The following CYP2C8 variants were observed in gnomAD, a reference collection of about 807,000 sequenced individuals.
CYP2C8 encodes cytochrome P450 2C8.
CYP2C8 carries 51 observed loss-of-function variants against 41.3 expected under a neutral mutation model. The observed-to-expected ratio is 1.24, with a 90% CI of 0.99 to 1.56. The LOEUF is 1.56. Among genes scored for constraint, CYP2C8 ranks in the 40% most tolerant of loss-of-function variants. The probability of loss-of-function intolerance (pLI) is 0.00; values close to 1 mark genes in which losing one functional copy is unlikely to be tolerated. For missense variants in CYP2C8, 651 were observed against 579.9 expected (o/e 1.12, Z -1.26); for synonymous variants, 218 against 205.8 (o/e 1.06, Z -0.51).
intron 8 of CYP2C8, among the ~76,000 whole-genome samples, chr10:95,037,808 C>A (rs574346711): frequency 6.6e-6 from 1 of 152,246 alleles, no homozygotes; most frequent in South Asian, 2.1e-4. Context: ...AGTTTCATAT[C>A]CTGTTGTTCA....
intron 5 of CYP2C8, among the ~76,000 whole-genome samples, chr10:95,051,921 G>A (rs2033220343): frequency 6.6e-6 from 1 of 151,756 alleles, no homozygotes; most frequent in Admixed American, 6.6e-5. Flanking sequence ...TACGAAAGCT[G>A]GAGCAAACCA....
chr10:95,047,369 G>C (rs929687444), intron 5 of CYP2C8, among the ~76,000 whole-genome samples: 1 of 152,096 alleles, frequency 6.6e-6, no homozygotes, highest in African/African-American at 2.4e-5. Flanking sequence ...ATCATGAAAA[G>C]TGTTACACTC....
intron 4 of CYP2C8, among the ~76,000 whole-genome samples, chr10:95,061,722 T>C (rs1245652439): frequency 1.3e-5 from 2 of 152,246 alleles, no homozygotes; most frequent in African/African-American, 2.4e-5. Flanking sequence ...GTTCTTTCAA[T>C]TGTGATGTTA....
Position 95,043,037 on chromosome 10 carries a change from G to C in CYP2C8, c.1002C>G (p.His334Gln), listed in dbSNP as rs755680526. Residue 334 changes from histidine to glutamine, a missense_variant, in exon 7 of 9, where the codon CAC (histidine) becomes CAG (glutamine). Transcript: ENST00000371270. ...TCCTATCCTGCATGCAGGGGCTCCT[G>C]TGTCTGCCAATTACATGATCAATCT... is the stretch of plus-strand genomic sequence containing the variant. Reference protein sequence around the residue: ...QEEIDHVIGRHRSPCMQDRSH... With the variant: ...QEEIDHVIGRQRSPCMQDRSH... 2.5e-6 allele frequency: 4 copies of C among 1,614,188 alleles called. No homozygotes were observed. In the East Asian group the frequency reaches 8.9e-5, roughly 36 times the overall value.
intron 4 of CYP2C8, among the ~76,000 whole-genome samples, chr10:95,062,212 G>C (rs375366221): frequency 3.9e-5 from 6 of 152,048 alleles, no homozygotes; most frequent in South Asian, 2.1e-4. Flanking sequence ...TTTCTGTCTC[G>C]TTGATCTGTC....
intron 8 of CYP2C8, among the ~76,000 whole-genome samples, chr10:95,038,255 C>A (rs949987513): frequency 6.6e-6 from 1 of 152,082 alleles, no homozygotes; most frequent in Non-Finnish European, 1.5e-5. Context: ...CTTAGCTTCC[C>A]TTAAATTTTA....
At chr10:95,062,785 C>T (rs538739968) in intron 4 of CYP2C8, among the ~76,000 whole-genome samples, 1 of 152,224 alleles carries the variant, frequency 6.6e-6, no homozygotes, top group African/African-American at 2.4e-5. Context: ...ACCGGTTGTT[C>T]CTTTCCATGT....
In CYP2C8 at chr10:95,067,592, TATCA is replaced by T. The variant is rs2033598949; in HGVS notation, c.264_267del (p.Asp89MetfsTer67). The T allele has an allele frequency of 1.2e-6, 2 of 1,614,114 alleles. No homozygotes were observed. The highest frequency in any genetic ancestry group is 1.7e-6 in the Non-Finnish European group (2 of 1,180,014). ...CCTCTTCCAGAAAACTCCTCTCCAT[TATCA>T]ATCAGGGCTTCCTTCACTGCCTCAT... On this transcript the variant is annotated frameshift_variant, in exon 2 of 9. Transcript: ENST00000371270. LOFTEE classifies it high-confidence loss of function.
rs778308888 is a variant in CYP2C8 at position 95,069,258 on chromosome 10, C to T, written c.145G>A (p.Asp49Asn). ...ACATTGGTGAAAGATTTGCAGATGTCCTTAACATCTATCTGTAGCATATTT... is the reference window on the plus strand; with the variant it reads ...ACATTGGTGAAAGATTTGCAGATGTTCTTAACATCTATCTGTAGCATATTT... ...IGNMLQIDVK[D>N]ICKSFTNFSK... The change falls in exon 1 of 9, where the codon GAC becomes AAC. Residue 49 changes from aspartate to asparagine, a missense_variant. Transcript: ENST00000371270. 1 of 1,613,956 alleles carries T rather than the reference C, an allele frequency of 6.2e-7. No individual in the cohort carries two copies.
In CYP2C8 at chr10:95,067,358, C is replaced by T. The variant is rs1053507227; in HGVS notation, c.332-1G>A. ...CTCTTTCCATTGCTGGAAATGATTC[C>T]TAATAAAAAAAGGGGCAGAAACTGG... On this transcript the variant is annotated splice_acceptor_variant, in intron 2 of 8. Transcript: ENST00000371270. LOFTEE classifies it high-confidence loss of function. The T allele has an allele frequency of 5.6e-6, 9 of 1,597,946 alleles. No homozygotes were observed. In the African/African-American group the frequency reaches 1.4e-4, roughly 24 times the overall value.
At chr10:95,049,708 G>A (rs1490043991) in intron 5 of CYP2C8, among the ~76,000 whole-genome samples, 1 of 152,112 alleles carries the variant, frequency 6.6e-6, no homozygotes, top group East Asian at 1.9e-4. Context: ...GAGTCCTGGT[G>A]CTGAACTGGG....
intron 6 of CYP2C8, among the ~76,000 whole-genome samples, chr10:95,044,652 C>T (rs1249396197): frequency 6.6e-6 from 1 of 152,016 alleles, no homozygotes; most frequent in Non-Finnish European, 1.5e-5. Flanking sequence ...AGTTTCCTGG[C>T]CCTGTAAAGT....
In CYP2C8 at chr10:95,038,906, A is replaced by G; in HGVS notation, c.1282T>C (p.Phe428Leu). 6.2e-7 allele frequency: 1 copy of G among 1,613,970 alleles called. No homozygotes were observed. Among genetic ancestry groups the G allele is most frequent in the East Asian group, 2.2e-5 (1 of 44,874 alleles). The change falls in exon 8 of 9, where the codon TTC (phenylalanine) becomes CTC (leucine). Residue 428 changes from phenylalanine (F) to leucine (L), a missense_variant. Transcript: ENST00000371270. ...AACGAGTTTCTATTACCTGCTGAGA[A>G]AGGCATGAAGTAGTCACTTTTCTTA... ...NFKKSDYFMP[F>L]SAGKRICAGE...
intron 4 of CYP2C8, among the ~76,000 whole-genome samples, chr10:95,063,416 T>C (rs1307469794): frequency 6.6e-6 from 1 of 152,244 alleles, no homozygotes; most frequent in East Asian, 1.9e-4. Context: ...TACCCTTTCT[T>C]CCATTTGATT....
At chr10:95,064,641 A>G (rs537451327) in intron 4 of CYP2C8, among the ~76,000 whole-genome samples, 159 bp downstream of exon 4, 2 of 152,296 alleles carry the variant, frequency 1.3e-5, no homozygotes, top group African/African-American at 4.8e-5. Flanking sequence ...GAGGCTGAAA[A>G]TTTTGAACAG....
intron 5 of CYP2C8, among the ~76,000 whole-genome samples, chr10:95,050,370 G>T (rs2033191832): frequency 6.6e-6 from 1 of 152,126 alleles, no homozygotes; most frequent in African/African-American, 2.4e-5. Flanking sequence ...AAGGACACAG[G>T]CCTGGCTGGA....
intron 4 of CYP2C8, among the ~76,000 whole-genome samples, chr10:95,063,631 T>C (rs970429206): frequency 6.6e-6 from 1 of 152,246 alleles, no homozygotes; most frequent in African/African-American, 2.4e-5. Flanking sequence ...AGCCTTCTTC[T>C]CTCAGCTCGT....
chr10:95,052,026 T>G (rs2033222274), intron 5 of CYP2C8, among the ~76,000 whole-genome samples: 2 of 152,014 alleles, frequency 1.3e-5, no homozygotes, highest in South Asian at 4.2e-4. Flanking sequence ...AAGCAAAAAG[T>G]TGTTCTTTAG....
At chr10:95,046,001 T>G in intron 5 of CYP2C8, 50 bp from the exon 6 acceptor site, 1 of 1,591,732 alleles carries the variant, frequency 6.3e-7, no homozygotes, top group Non-Finnish European at 8.6e-7. Context: ...CCAGTATATC[T>G]AAATACACTA....
Sources: gnomAD v4.1 joint callset for allele counts (sites outside exome capture counted in the v4.1 genomes callset) on GRCh38, gnomAD v4.1.1 for gene constraint, MANE v1.5 for transcripts, NCBI Gene and HGNC (gene_info 2026-07-23, HGNC 2026-07-21) for gene names.